C7: variants seen among roughly 807,000 people sequenced by gnomAD.
C7 encodes complement C7.
C7 carries 83 observed loss-of-function variants against 104.8 expected under a neutral mutation model. That is an observed-to-expected ratio of 0.79 (90% CI 0.66 to 0.95). The LOEUF is 0.95. Among genes scored for constraint, C7 ranks in the 40% least tolerant of loss-of-function variants. The pLI is 0.00. For synonymous variants in C7, 415 were observed against 360.6 expected (o/e 1.15, Z -1.71); for missense variants, 1,070 against 1,011.2 (o/e 1.06, Z -0.79).
chr5:40,942,399 G>A (rs1052692378), intron 6 of C7, among the ~76,000 whole-genome samples: 1 of 152,044 alleles, frequency 6.6e-6, no homozygotes, highest in African/African-American at 2.4e-5. Flanking sequence ...ACAGAGAAGA[G>A]AGAGAAAATT....
At chr5:40,932,093 G>A (rs1391367843) in intron 3 of C7, among the ~76,000 whole-genome samples, 1 of 152,030 alleles carries the variant, frequency 6.6e-6, no homozygotes. Flanking sequence ...TTATATAACA[G>A]CATTTGGTAT....
At chr5:40,980,723 C>T (rs1281320970) in intron 17 of C7, among the ~76,000 whole-genome samples, 1 of 152,168 alleles carries the variant, frequency 6.6e-6, no homozygotes. Flanking sequence ...CACTCTCTGC[C>T]CTCCTGGCCT....
intron 11 of C7, 21 bp downstream of exon 11, chr5:40,958,282 C>T: frequency 6.7e-7 from 1 of 1,503,438 alleles, no homozygotes; most frequent in Non-Finnish European, 9.1e-7. Context: ...TGAATTTTCT[C>T]TAGCCACCCT....
chr5:40,928,047 G>A (rs984134477), intron 1 of C7, among the ~76,000 whole-genome samples: 4 of 152,152 alleles, frequency 2.6e-5, no homozygotes, highest in African/African-American at 9.6e-5. Context: ...AGAAAATGTG[G>A]TGTGTGTACA....
intron 13 of C7, among the ~76,000 whole-genome samples, chr5:40,962,605 G>T (rs1740447281): frequency 2.6e-5 from 4 of 152,262 alleles, no homozygotes; most frequent in Admixed American, 6.5e-5. Context: ...AAGACAGTTA[G>T]CTAGAGTCTA....
chr5:40,925,895 T>C (rs188281792), intron 1 of C7, among the ~76,000 whole-genome samples: 268 of 152,286 alleles, frequency 1.8e-3, no homozygotes, highest in Admixed American at 3.9e-3. Context: ...GGGAATACTT[T>C]CAAATTCTTT....
At chr5:40,915,530 A>T (rs1934741396) in intron 1 of C7, among the ~76,000 whole-genome samples, 1 of 152,212 alleles carries the variant, frequency 6.6e-6, no homozygotes, top group African/African-American at 2.4e-5. Flanking sequence ...CAGGGACAAG[A>T]CAAAATGAGC....
At chr5:40,974,804 A>G (rs1212678973) in intron 15 of C7, among the ~76,000 whole-genome samples, 1 of 152,206 alleles carries the variant, frequency 6.6e-6, no homozygotes, top group African/African-American at 2.4e-5. Flanking sequence ...GTGCAGAACT[A>G]ATTTACATGG....
intron 1 of C7, among the ~76,000 whole-genome samples, chr5:40,916,497 C>T (rs1314700964): frequency 6.6e-6 from 1 of 152,122 alleles, no homozygotes; most frequent in Non-Finnish European, 1.5e-5. Flanking sequence ...TTTCTCTCCT[C>T]TTGGTATCCC....
intron 13 of C7, among the ~76,000 whole-genome samples, chr5:40,962,568 A>G (rs11953397): frequency 0.078 from 11,921 of 152,110 alleles, 1,575 homozygotes; most frequent in African/African-American, 0.27. Flanking sequence ...CCTGGGATGA[A>G]GTATTAGGTT....
At chr5:40,951,057 A>G (rs1740158798) in intron 9 of C7, among the ~76,000 whole-genome samples, 1 of 152,218 alleles carries the variant, frequency 6.6e-6, no homozygotes, top group Non-Finnish European at 1.5e-5. Context: ...AGAAGGAAAC[A>G]TTTGGCAGGA....
At position 40,976,835 on chromosome 5, in the gene C7, A is replaced by G. The variant is rs764942803; in HGVS notation, c.2160A>G (p.Glu720=). ...NSRCVCKMPY[E]CGPSLDVCAQ... ...GATGTGTTTGTAAAATGCCCTACGAATGTGGGTAAGTGCCGCCTTTGCTCA... is the reference window on the plus strand; with the variant it reads ...GATGTGTTTGTAAAATGCCCTACGAGTGTGGGTAAGTGCCGCCTTTGCTCA... Residue 720 remains glutamate, a synonymous_variant, in exon 16 of 18, where the codon GAA becomes GAG. Coordinates refer to ENST00000313164, the MANE Select transcript of C7 (RefSeq NM_000587.4). 3 of 1,600,946 alleles carry G rather than the reference A, an allele frequency of 1.9e-6. No homozygotes were observed. Among genetic ancestry groups the G allele is most frequent in the Non-Finnish European group, 2.6e-6 (3 of 1,173,048 alleles).
chr5:40,979,958 A>G (rs1373577708), intron 17 of C7, 49 bp downstream of exon 17: 6 of 1,456,762 alleles, frequency 4.1e-6, no homozygotes, highest in Admixed American at 2.4e-5. Context: ...AAGTCACAGT[A>G]CTGAGGATTT....
intron 12 of C7, among the ~76,000 whole-genome samples, chr5:40,960,659 G>A (rs1026394794): frequency 1.3e-5 from 2 of 152,084 alleles, no homozygotes; most frequent in African/African-American, 4.8e-5. Context: ...GCTCAGGGGA[G>A]GGGAAGTATC....
intron 14 of C7, among the ~76,000 whole-genome samples, chr5:40,965,896 G>C (rs1371316262): frequency 6.6e-6 from 1 of 151,644 alleles, no homozygotes; most frequent in Non-Finnish European, 1.5e-5. Context: ...ACCCATCTTG[G>C]CCTCTTAGGG....
intron 3 of C7, among the ~76,000 whole-genome samples, chr5:40,933,308 T>A (rs1418109654): frequency 1.3e-5 from 2 of 152,182 alleles, no homozygotes; most frequent in African/African-American, 4.8e-5. Flanking sequence ...AACTCTTCCC[T>A]GTTGATCTTC....
rs747730809 is a variant in C7, at chr5:40,937,654, C to T, written c.531C>T (p.Tyr177=). 1.2e-6 allele frequency: 2 copies of T among 1,604,548 alleles called. No homozygotes were observed. The highest frequency in any genetic ancestry group is 2.2e-5 in the East Asian group (1 of 44,696). The change falls in exon 6 of 18, where the codon TAC becomes TAT. Residue 177 remains tyrosine (Y), a synonymous_variant. Transcript: ENST00000313164. The part of the protein sequence containing the change: ...KVFSGDGKDF[Y]RLSGNVLSYT... ...TTAGTGGGGATGGAAAAGATTTCTA[C>T]AGGCTGAGTGGAAATGTCCTGTCCT...
chr5:40,910,893 T>A (rs534767400), intron 1 of C7, among the ~76,000 whole-genome samples: 3 of 152,108 alleles, frequency 2.0e-5, no homozygotes, highest in African/African-American at 7.2e-5. Context: ...TAACTATTAA[T>A]CTTTTACTTT....
At chr5:40,928,497 A>G (rs1561240067) in intron 1 of C7, 83 bp from the exon 2 acceptor site, 5 of 797,672 alleles carry the variant, frequency 6.3e-6, no homozygotes, top group Non-Finnish European at 8.1e-6. Flanking sequence ...TACCCCATAA[A>G]TTTATACAAT....
Sources: allele counts gnomAD v4.1 joint callset (sites outside exome capture counted in the v4.1 genomes callset), GRCh38; gene constraint gnomAD v4.1.1; transcripts MANE v1.5; gene names NCBI Gene and HGNC (gene_info 2026-07-23, HGNC 2026-07-21).